The following UNC13D variants were observed in gnomAD, a reference collection of about 807,000 sequenced individuals.
UNC13D encodes the protein protein unc-13 homolog D.
A neutral mutation model predicts 151.7 loss-of-function variants in UNC13D; 115 were observed. The observed-to-expected ratio is 0.76, with a 90% confidence interval of 0.65 to 0.88. UNC13D has a LOEUF of 0.88. UNC13D is among the 40% of genes least tolerant of loss of function. The probability of loss-of-function intolerance (pLI) is 0.00; values close to 1 mark genes in which losing one functional copy is unlikely to be tolerated. For missense variants in UNC13D, 1,369 were observed against 1,438.7 expected (o/e 0.95, Z 0.78); for synonymous variants, 588 against 612.2 (o/e 0.96, Z 0.58).
rs975849011 is a variant in UNC13D, at chr17:75,840,529, C to T, written c.731G>A (p.Gly244Glu). ...CACCTGCAGCCTCAGAACCACGTTC[C>T]CCAGAAAGTCGTCCTGGCCTTTGTC... ...RKDKGQDDFL[G>E]NVVLRLQDLR... Residue 244 changes from glycine to glutamate, a missense_variant, in exon 9 of 32, where the codon GGG becomes GAG. Physicochemically the swap from Gly to Glu is moderately conservative, Grantham distance 98. Coordinates refer to ENST00000207549, the MANE Select transcript of UNC13D (RefSeq NM_199242.3). This position sits in a 1 kb window ranked among gnomAD's most constrained non-coding sequence, Gnocchi z 4.6. 20 of 1,614,108 alleles carry T rather than the reference C, an allele frequency of 1.2e-5. No homozygotes were observed. The highest frequency in any genetic ancestry group is 1.6e-5 in the Non-Finnish European group (19 of 1,180,018).
At chr17:75,831,061 C>T (rs2064868930) in intron 27 of UNC13D, 37 bp downstream of exon 27, 1 of 1,612,900 alleles carries the variant, frequency 6.2e-7, no homozygotes, top group Non-Finnish European at 8.5e-7. Flanking sequence ...GCAGGCTCCC[C>T]AGACTTCCTA....
At position 75,842,526 on chromosome 17, in the gene UNC13D, G is replaced by A; in HGVS notation, c.476C>T (p.Ala159Val). Residue 159 changes from alanine to valine, a missense_variant, in exon 6 of 32, where the codon GCT becomes GTT. Physicochemically the swap from Ala to Val is moderately conservative, Grantham distance 64. Transcript: ENST00000207549. ...CTCGGGGATGGTGTGCCTCACCACA[G>A]CCTTCTGCCGATGCCGGGACCCGGG... Reference protein sequence around the residue: ...GSPGSRHRQKAVVRHTIPEEE... With the variant: ...GSPGSRHRQKVVVRHTIPEEE... The A allele has an allele frequency of 1.2e-6, 2 of 1,612,984 alleles. No individual in the cohort carries two copies. Among genetic ancestry groups the A allele is most frequent in the Non-Finnish European group, 1.7e-6 (2 of 1,179,776 alleles).
In UNC13D at chr17:75,834,646, T is replaced by C. The variant is rs777159773; in HGVS notation, c.2063A>G (p.Gln688Arg). The C allele has an allele frequency of 6.8e-6, 11 of 1,613,706 alleles. No individual in the cohort carries two copies. In the South Asian group the frequency reaches 1.1e-4, roughly 16 times the overall value. Residue 688 changes from glutamine to arginine, a missense_variant, in exon 22 of 32, where the codon CAG becomes CGG. Around this residue, in one of 3 missense-constraint regions of UNC13D, gnomAD observed 807 missense variants for 795.5 expected, o/e 1.01. Transcript: ENST00000207549. ...GTTGGCTGCCTGGCCTTGGTCCTTC[T>C]GGCCTGAAGAGAGCTCGCGGGCCCG... ...KARARELSSG[Q>R]KDQGQAANML...
In UNC13D at chr17:75,830,037, G is replaced by T. The variant is rs2064858717; in HGVS notation, c.2945C>A (p.Thr982Asn). The change falls in exon 30 of 32, where the codon ACC becomes AAC. Residue 982 changes from threonine (T) to asparagine (N), a missense_variant. Transcript: ENST00000207549. Reference sequence around the variant, plus strand: ...AACGGGACCCACTCACAATTCAAAGGTCTCATCAAACAATGGGTGAAGGTC... The same window carrying T: ...AACGGGACCCACTCACAATTCAAAGTTCTCATCAAACAATGGGTGAAGGTC... ...KKDLHPLFDETFEFLVPAEPC... is the reference protein window; with the variant it reads ...KKDLHPLFDENFEFLVPAEPC... 2 of 1,577,560 alleles carry T rather than the reference G, an allele frequency of 1.3e-6. No homozygotes were observed. Among genetic ancestry groups the T allele is most frequent in the South Asian group, 1.2e-5 (1 of 85,820 alleles).
intron 25 of UNC13D, 119 bp from the exon 26 acceptor site, chr17:75,831,467 AC>A (rs2064872462): frequency 1.1e-6 from 1 of 891,516 alleles, no homozygotes; most frequent in Non-Finnish European, 1.7e-6. Flanking sequence ...AGCTCCTCCC[AC>A]CCCCAACCTC....
rs1227567323 is a variant in UNC13D at position 75,833,074 on chromosome 17, G to T, written c.2368-29C>A. ...GGGAGGGAGATGGGGAGCAGGTGTG[G>T]CTCCGGCCCATGTTGGCCCCACCCC... On this transcript the variant is annotated intron_variant, in intron 24 of 31. Coordinates refer to ENST00000207549, the MANE Select transcript of UNC13D (RefSeq NM_199242.3). The surrounding 1 kb of genome is among the most constrained non-coding windows in gnomAD (Gnocchi z 4.0). The T allele has an allele frequency of 1.9e-6, 3 of 1,585,548 alleles. No homozygotes were observed. Among genetic ancestry groups the T allele is most frequent in the Admixed American group, 3.6e-5 (2 of 55,478 alleles).
At chr17:75,828,452 T>A (rs529074669) in intron 31 of UNC13D, among the ~76,000 whole-genome samples, 1 of 152,340 alleles carries the variant, frequency 6.6e-6, no homozygotes, top group Admixed American at 6.5e-5. Context: ...CTGGAATGCA[T>A]AAAGTGCTTA....
rs1389242021 is a variant in UNC13D at position 75,831,320 on chromosome 17, G to A, written c.2476C>T (p.Leu826Phe). ...SLLTLLWTHT[L>F]TVLVEAAASQ... ...GCGGCCGCCTCCACCAGCACTGTGA[G>A]TGTGTGGGTCCAGAGCAGGGTCAGG... Residue 826 changes from leucine to phenylalanine, a missense_variant, in exon 26 of 32, where the codon CTC becomes TTC. Leu to Phe is a conservative substitution (Grantham distance 22). Coordinates refer to ENST00000207549, the MANE Select transcript of UNC13D (RefSeq NM_199242.3). The A allele has an allele frequency of 6.2e-7, 1 of 1,613,108 alleles. No individual in the cohort carries two copies. Among genetic ancestry groups the A allele is most frequent in the South Asian group, 1.1e-5 (1 of 91,084 alleles).
chr17:75,837,378 C>A (rs994815490), intron 12 of UNC13D, among the ~76,000 whole-genome samples: 3 of 150,796 alleles, frequency 2.0e-5, no homozygotes, highest in African/African-American at 7.3e-5. Context: ...GATTTTTTTT[C>A]TTTGTTTCCA....
In UNC13D at chr17:75,843,206, G is replaced by A; in HGVS notation, c.214C>T (p.Pro72Ser). 6.2e-7 allele frequency: 1 copy of A among 1,612,000 alleles called. No homozygotes were observed. Among genetic ancestry groups the A allele is most frequent in the Non-Finnish European group, 8.5e-7 (1 of 1,179,964 alleles). ...TVLHRLGHPE[P>S]NHVTEASELL... ...TCAGAGGCCTCCGTCACATGGTTGG[G>A]CTCAGGATGACCCAGGCGGTGCAAG... The change falls in exon 3 of 32, where the codon CCC becomes TCC. Residue 72 changes from proline (P) to serine (S), a missense_variant. By Grantham distance (74) the Pro-to-Ser change is moderately conservative (BLOSUM62 -1). Transcript: ENST00000207549.
intron 23 of UNC13D, 59 bp downstream of exon 23, chr17:75,834,266 G>A (rs2064891105): frequency 6.3e-7 from 1 of 1,583,352 alleles, no homozygotes; most frequent in Non-Finnish European, 8.5e-7. Context: ...AGGTGCTGCT[G>A]GAGCCAGGTA....
Position 75,827,473 on chromosome 17 carries a change from G to T in UNC13D, c.*492C>A. On this transcript the variant is annotated 3_prime_UTR_variant, in exon 32 of 32. Transcript: ENST00000207549. ...GGGGAGAGGACCCAGGCCCCCTCTA[G>T]TAATGGCCACCACCCTCCCCCCAGG... 1 of 1,475,514 alleles carries T rather than the reference G, an allele frequency of 6.8e-7. No individual in the cohort carries two copies. The highest frequency in any genetic ancestry group is 9.0e-7 in the Non-Finnish European group (1 of 1,114,782). 91.4% of individuals were successfully genotyped at this position (1,475,514 alleles called of 1,614,324 possible).
chr17:75,839,406 CAAAAA>C (rs34913290), intron 12 of UNC13D, among the ~76,000 whole-genome samples: 1 of 110,716 alleles, frequency 9.0e-6, no homozygotes, highest in Non-Finnish European at 2.1e-5. Flanking sequence ...AACTCCGTTT[CAAAAA>C]AAAAAAAAAA....
At chr17:75,829,026 C>T in intron 30 of UNC13D, 43 bp from the exon 31 acceptor site, 2 of 1,590,014 alleles carry the variant, frequency 1.3e-6, no homozygotes, top group South Asian at 2.2e-5. Flanking sequence ...CCAGCACAGC[C>T]ACCCCAGCCT....
rs184354110 is a variant in UNC13D, at chr17:75,831,185, G to A, written c.2554-16C>T. The A allele has an allele frequency of 5.5e-4, 892 of 1,614,112 alleles. 3 individuals are homozygous for A. The African/African-American group carries it at 0.011, about 20-fold the overall frequency. On this transcript the variant is annotated splice_polypyrimidine_tract_variant and intron_variant, in intron 26 of 31. Coordinates refer to ENST00000207549, the MANE Select transcript of UNC13D (RefSeq NM_199242.3). Reference sequence around the variant, plus strand: ...TCTCCAGGTTCTGGGGGAGATATCAGAGGTGACCCCAGGCACCCTCCCACC... The same window carrying A: ...TCTCCAGGTTCTGGGGGAGATATCAAAGGTGACCCCAGGCACCCTCCCACC...
At position 75,834,093 on chromosome 17, in the gene UNC13D, C is replaced by A; in HGVS notation, c.2349G>T (p.Glu783Asp). Reference sequence around the variant, plus strand: ...CACTTACATCCTCAGGCAGGACAGACTCCCTGACGCCCACCAGTTTCTGGA... The same window carrying A: ...CACTTACATCCTCAGGCAGGACAGAATCCCTGACGCCCACCAGTTTCTGGA... ...KHIQKLVGVR[E>D]SVLPEDAILP... Residue 783 changes from glutamate to aspartate, a missense_variant, in exon 24 of 32, where the codon GAG becomes GAT. This residue lies in a region of UNC13D where 807 missense variants were observed against 795.5 expected (regional missense o/e 1.01). Transcript: ENST00000207549. 1 of 1,613,318 alleles carries A rather than the reference C, an allele frequency of 6.2e-7. No homozygotes were observed. The highest frequency in any genetic ancestry group is 8.5e-7 in the Non-Finnish European group (1 of 1,179,550).
At chr17:75,842,804 G>A (rs563202284) in intron 5 of UNC13D, 53 bp downstream of exon 5, 1 of 1,608,480 alleles carries the variant, frequency 6.2e-7, no homozygotes, top group African/African-American at 1.3e-5. Context: ...AGGCTGTGAT[G>A]GGAGAGGAAG....
chr17:75,835,329 C>T, intron 20 of UNC13D, 80 bp downstream of exon 20: 1 of 1,563,872 alleles, frequency 6.4e-7, no homozygotes, highest in Non-Finnish European at 8.7e-7. Context: ...CTGGCTTTTA[C>T]TACGCTTTGG....
rs1229155468 is a variant in UNC13D, at chr17:75,829,002, C to T, written c.2955-19G>A. 1 of 1,598,444 alleles carries T rather than the reference C, an allele frequency of 6.3e-7. No individual in the cohort carries two copies. The highest frequency in any genetic ancestry group is 8.5e-7 in the Non-Finnish European group (1 of 1,178,568). On this transcript the variant is annotated intron_variant, in intron 30 of 31. Coordinates refer to ENST00000207549, the MANE Select transcript of UNC13D (RefSeq NM_199242.3). The stretch of plus-strand genomic sequence containing the variant: ...CACCAGGCTGCGGGGAGAGTCAGGG[C>T]TCTGCTGCCAGCCCCAGCACAGCCA...
Sources: gnomAD v4.1 joint callset for allele counts (sites outside exome capture counted in the v4.1 genomes callset) on GRCh38, gnomAD v4.1.1 for gene constraint, gnomAD v4.1.1 regional missense constraint, Gnocchi (gnomAD v3.1) non-coding constraint, MANE v1.5 for transcripts, NCBI Gene and HGNC (gene_info 2026-07-23, HGNC 2026-07-21) for gene names.